The following LYZL1 variants were observed in gnomAD, a reference collection of about 807,000 sequenced individuals.
The protein encoded by LYZL1 is lysozyme-like protein 1.
Under a neutral mutation model 17.9 loss-of-function variants are expected in LYZL1, and 16 were observed. The ratio of observed to expected loss-of-function variants is 0.90; its 90% CI spans 0.61 to 1.36. The LOEUF is 1.36. Ranked by LOEUF, LYZL1 falls within the 40% of genes most tolerant of loss-of-function variation. LYZL1 has a pLI of 0.00. For missense variants in LYZL1, 149 were observed against 188.4 expected (o/e 0.79, Z 1.22); for synonymous variants, 58 against 71.8 (o/e 0.81, Z 0.97).
In LYZL1 at chr10:29,311,015, G is replaced by A. The variant is rs763346626; in HGVS notation, c.403G>A (p.Gly135Ser). 2 of 1,614,036 alleles carry A rather than the reference G, an allele frequency of 1.2e-6. No individual in the cohort carries two copies. The highest frequency in any genetic ancestry group is 1.3e-5 in the African/African-American group (1 of 74,904). ...YWQGWKKHCEGRDLSEWKKGC... is the reference protein window; with the variant it reads ...YWQGWKKHCESRDLSEWKKGC... ...GCAAGGCTGGAAGAAACATTGTGAGGGCAGAGACCTGTCCGAGTGGAAAAA... is the reference window on the plus strand; with the variant it reads ...GCAAGGCTGGAAGAAACATTGTGAGAGCAGAGACCTGTCCGAGTGGAAAAA... The change falls in exon 5 of 5, where the codon GGC becomes AGC. Residue 135 changes from glycine to serine, a missense_variant. Coordinates refer to ENST00000649382, the MANE Select transcript of LYZL1 (RefSeq NM_032517.6).
At chr10:29,292,837 A>T (rs1174349440) in intron 3 of LYZL1, among the ~76,000 whole-genome samples, 160 bp downstream of exon 3, 1 of 152,204 alleles carries the variant, frequency 6.6e-6, no homozygotes, top group African/African-American at 2.4e-5. Flanking sequence ...CCAAGGTGAC[A>T]CTCAGGATCC....
At chr10:29,299,680 C>T (rs1489281424) in intron 3 of LYZL1, among the ~76,000 whole-genome samples, 1 of 152,140 alleles carries the variant, frequency 6.6e-6, no homozygotes, top group East Asian at 1.9e-4. Context: ...CGTGTTTCTC[C>T]TTAACTCTGG....
chr10:29,312,865 AT>A (rs1835689406), downstream of LYZL1, among the ~76,000 whole-genome samples: 1 of 152,170 alleles, frequency 6.6e-6, no homozygotes, highest in Non-Finnish European at 1.5e-5. Flanking sequence ...CTCATGTTGA[AT>A]GCAATTTGAC....
At chr10:29,314,785 T>A (rs1835709814), downstream of LYZL1, among the ~76,000 whole-genome samples, 1 of 152,190 alleles carries the variant, frequency 6.6e-6, no homozygotes, top group Non-Finnish European at 1.5e-5. Context: ...TATAGGGGAA[T>A]GAAAACTTCA....
rs199807193 is a variant in LYZL1, at chr10:29,291,836, T to G, written c.-25-7T>G. On this transcript the variant is annotated splice_region_variant and splice_polypyrimidine_tract_variant and intron_variant, in intron 1 of 4. Transcript: ENST00000649382. Reference sequence around the variant, plus strand: ...ATCGTCTGACCTGTTCTCCGGCTCTTTGGCAGGTTCTGTCTCCGGCAGGCT... The same window carrying G: ...ATCGTCTGACCTGTTCTCCGGCTCTGTGGCAGGTTCTGTCTCCGGCAGGCT... 4.3e-4 allele frequency: 672 copies of G among 1,551,068 alleles called. 10 individuals carry two copies. In the East Asian group the frequency reaches 0.014, roughly 33 times the overall value.
intron 3 of LYZL1, among the ~76,000 whole-genome samples, chr10:29,303,067 C>G (rs948272240): frequency 6.6e-6 from 1 of 152,158 alleles, no homozygotes; most frequent in Non-Finnish European, 1.5e-5. Context: ...CTTCCAGCCC[C>G]GCGAGGTCTG....
At chr10:29,299,241 C>T (rs187826759) in intron 3 of LYZL1, among the ~76,000 whole-genome samples, 1 of 152,300 alleles carries the variant, frequency 6.6e-6, no homozygotes, top group Non-Finnish European at 1.5e-5. Flanking sequence ...CTGCCGCTCA[C>T]CTCCTGCTGT....
intron 1 of LYZL1, among the ~76,000 whole-genome samples, chr10:29,291,558 C>T (rs12775724): frequency 0.056 from 8,336 of 149,304 alleles, 325 homozygotes; most frequent in Admixed American, 0.098. Flanking sequence ...AAAATGCCCC[C>T]TGTGGTTTTC....
intron 4 of LYZL1, among the ~76,000 whole-genome samples, chr10:29,310,703 C>T (rs1050371328): frequency 3.9e-5 from 6 of 152,128 alleles, no homozygotes; most frequent in African/African-American, 9.7e-5. Flanking sequence ...CGTTGCCAGC[C>T]GGCCCCACTC....
chr10:29,290,458 C>T (rs1835347298), intron 1 of LYZL1, among the ~76,000 whole-genome samples: 1 of 152,136 alleles, frequency 6.6e-6, no homozygotes, highest in Non-Finnish European at 1.5e-5. Flanking sequence ...CCTCTTGCTC[C>T]CCAGTCAGGT....
At chr10:29,317,765 C>G (rs74131358) in intron 4 of LYZL1, among the ~76,000 whole-genome samples, 12,471 of 152,130 alleles carry the variant, frequency 0.082, 601 homozygotes, top group South Asian at 0.14. Context: ...CTGGCACAAA[C>G]CAGGCTTGTA....
Position 29,292,623 on chromosome 10 carries a change from T to A in LYZL1, c.244T>A (p.Trp82Arg). 6.2e-7 allele frequency: 1 copy of A among 1,614,240 alleles called. No individual in the cohort carries two copies. Among genetic ancestry groups the A allele is most frequent in the Non-Finnish European group, 8.5e-7 (1 of 1,180,052 alleles). ...CATCTTCCAGATCAACAGCTTCGCG[T>A]GGTGCAGACGCGGAAAGCTGAAGGA... is the stretch of plus-strand genomic sequence containing the variant. ...YGIFQINSFA[W>R]CRRGKLKENN... The change falls in exon 3 of 5, where the codon TGG becomes AGG. Residue 82 changes from tryptophan to arginine, a missense_variant. Transcript: ENST00000649382.
At chr10:29,303,727 C>T (rs980449029) in intron 3 of LYZL1, among the ~76,000 whole-genome samples, 8 of 152,174 alleles carry the variant, frequency 5.3e-5, no homozygotes, top group African/African-American at 1.7e-4. Flanking sequence ...GGTTTTATAA[C>T]TAACCACCCT....
At chr10:29,306,938 T>C (rs1173034056) in intron 3 of LYZL1, among the ~76,000 whole-genome samples, 3 of 152,146 alleles carry the variant, frequency 2.0e-5, no homozygotes, top group African/African-American at 7.2e-5. Context: ...TACTGCAACT[T>C]CTGCCTGCCA....
At chr10:29,310,215 T>G (rs755645497) in intron 4 of LYZL1, 27 bp downstream of exon 4, 2 of 1,545,890 alleles carry the variant, frequency 1.3e-6, no homozygotes, top group Non-Finnish European at 1.8e-6. Context: ...GGGAGACTTG[T>G]GCTGTCATGG....
At chr10:29,310,079 G>T in intron 3 of LYZL1, 31 bp from the exon 4 acceptor site, 2 of 1,538,442 alleles carry the variant, frequency 1.3e-6, no homozygotes, top group Non-Finnish European at 1.8e-6. Flanking sequence ...ACAAAGTCTC[G>T]CCTAACCCTG....
rs537793255 is a variant in LYZL1, at chr10:29,310,983, T to C, written c.378-7T>C. 35 of 1,614,106 alleles carry C rather than the reference T, an allele frequency of 2.2e-5. No individual in the cohort carries two copies. The East Asian group carries it at 7.1e-4, about 33-fold the overall frequency. ...TTCTGCTGCTCCTGCTTCCCTCTCA[T>C]CCTCAGGCAAGGCTGGAAGAAACAT... is the stretch of plus-strand genomic sequence containing the variant. On this transcript the variant is annotated splice_polypyrimidine_tract_variant and splice_region_variant and intron_variant, in intron 4 of 4. Coordinates refer to ENST00000649382, the MANE Select transcript of LYZL1 (RefSeq NM_032517.6).
chr10:29,293,898 C>T (rs1297491117), intron 3 of LYZL1, among the ~76,000 whole-genome samples: 6 of 151,542 alleles, frequency 4.0e-5, no homozygotes, highest in African/African-American at 1.2e-4. Flanking sequence ...TGCTTGAACC[C>T]GGGAGGTGGA....
chr10:29,294,982 T>C (rs928466614), intron 3 of LYZL1, among the ~76,000 whole-genome samples: 1 of 152,236 alleles, frequency 6.6e-6, no homozygotes, highest in Non-Finnish European at 1.5e-5. Context: ...ATATGTTACA[T>C]TGATAAAACT....
Sources: allele counts gnomAD v4.1 joint callset (sites outside exome capture counted in the v4.1 genomes callset), GRCh38; gene constraint gnomAD v4.1.1; transcripts MANE v1.5; gene names NCBI Gene and HGNC (gene_info 2026-07-23, HGNC 2026-07-21).